The following NTRK2 variants were observed in gnomAD, a reference collection of about 807,000 sequenced individuals.
NTRK2 encodes BDNF/NT-3 growth factors receptor.
NTRK2 carries 13 observed loss-of-function variants against 94.5 expected under a neutral mutation model. That is an observed-to-expected ratio of 0.14 (90% CI 0.09 to 0.22). The LOEUF is 0.22. Among genes scored for constraint, NTRK2 ranks in the 10% least tolerant of loss-of-function variants. The probability of loss-of-function intolerance (pLI) is 1.00; values close to 1 mark genes in which losing one functional copy is unlikely to be tolerated. For synonymous variants in NTRK2, 372 were observed against 407.4 expected (o/e 0.91, Z 1.05); for missense variants, 639 against 1,071.2 (o/e 0.60, Z 5.63).
At position 85,022,886 on chromosome 9, in the gene NTRK2, G is replaced by C. The variant is rs202209007; in HGVS notation, c.*1449G>C. The C allele has an allele frequency of 4.3e-5, 10 of 233,108 alleles. No homozygotes were observed. The highest frequency in any genetic ancestry group is 7.6e-5 in the Non-Finnish European group (9 of 118,070). The allele number at this position is 233,108 out of a possible 1,614,324, so 14.4% of individuals were successfully genotyped here. On this transcript the variant is annotated 3_prime_UTR_variant, in exon 19 of 19. Coordinates refer to ENST00000277120, the MANE Select transcript of NTRK2 (RefSeq NM_006180.6). The stretch of plus-strand genomic sequence containing the variant: ...GGGAAGGGCAGAATCAATCCCTAAG[G>C]GAAAGGAAACCTCACCCTGAGGGCA...
chr9:84,992,359 G>A (rs140608121), intron 17 of NTRK2, among the ~76,000 whole-genome samples: 151 of 151,948 alleles, frequency 9.9e-4, no homozygotes, highest in African/African-American at 3.4e-3. Flanking sequence ...CTCTATCTGA[G>A]CATATTTTCT....
At chr9:84,717,984 A>G (rs2061809032) in intron 6 of NTRK2, among the ~76,000 whole-genome samples, 1 of 151,916 alleles carries the variant, frequency 6.6e-6, no homozygotes. Context: ...AGCTTCTTAC[A>G]GAGCCTCCTT....
intron 6 of NTRK2, among the ~76,000 whole-genome samples, chr9:84,711,200 G>A (rs1166588532): frequency 6.6e-6 from 1 of 152,154 alleles, no homozygotes; most frequent in Non-Finnish European, 1.5e-5. Context: ...AAAGTGTCCT[G>A]GCAGCACAAG....
intron 12 of NTRK2, among the ~76,000 whole-genome samples, chr9:84,835,080 C>T (rs1452016404): frequency 6.6e-6 from 1 of 152,186 alleles, no homozygotes; most frequent in African/African-American, 2.4e-5. Context: ...CTACCCATGC[C>T]TTCTAGCTAT....
chr9:84,864,423 T>G (rs1185321261), intron 13 of NTRK2, among the ~76,000 whole-genome samples: 1 of 152,024 alleles, frequency 6.6e-6, no homozygotes, highest in African/African-American at 2.4e-5. Flanking sequence ...GGGTGATGAA[T>G]GCACCAAAAT....
At chr9:85,006,363 C>T (rs1186087651) in intron 17 of NTRK2, among the ~76,000 whole-genome samples, 1 of 152,112 alleles carries the variant, frequency 6.6e-6, no homozygotes, top group Non-Finnish European at 1.5e-5. Context: ...GAAGTTAGAC[C>T]TCTTTTTATT....
intron 12 of NTRK2, among the ~76,000 whole-genome samples, chr9:84,773,920 G>T (rs535519811): frequency 6.6e-6 from 1 of 151,984 alleles, no homozygotes; most frequent in Non-Finnish European, 1.5e-5. Context: ...CATCATCTTC[G>T]TTTTGTAACT....
chr9:84,825,633 C>G (rs2073138984), intron 12 of NTRK2, among the ~76,000 whole-genome samples: 1 of 152,222 alleles, frequency 6.6e-6, no homozygotes, highest in Non-Finnish European at 1.5e-5. Flanking sequence ...CATGCAGTAA[C>G]AGAAGCAATG....
chr9:84,947,630 G>C (rs981056757), intron 15 of NTRK2, among the ~76,000 whole-genome samples: 2 of 152,212 alleles, frequency 1.3e-5, no homozygotes, highest in Admixed American at 1.3e-4. Flanking sequence ...ATTCATTCAG[G>C]ACAGTGGGTT....
At chr9:84,949,521 G>A (rs2078709209) in intron 16 of NTRK2, among the ~76,000 whole-genome samples, 1 of 152,140 alleles carries the variant, frequency 6.6e-6, no homozygotes. Context: ...AGGCTGGAGT[G>A]CAGTTATGTG....
rs2073252996 is a variant in NTRK2, at chr9:84,827,339, TCTC to T, written c.1397-33698_1397-33696del. 3.9e-5 allele frequency among the ~76,000 whole-genome samples: 6 copies of T among 152,248 alleles called. 1 individual carries two copies. The South Asian group carries it at 1.2e-3, about 32-fold the overall frequency. ...TTCATTCAACCATGCATTTAACCCT[TCTC>T]CTTGCCTTGGACTGTGCCAAGTGCT... On this transcript the variant is annotated intron_variant, in intron 12 of 18. Transcript: ENST00000277120.
At chr9:84,951,012 G>T (rs2078762429) in intron 16 of NTRK2, among the ~76,000 whole-genome samples, 1 of 152,208 alleles carries the variant, frequency 6.6e-6, no homozygotes, top group Admixed American at 6.5e-5. Context: ...GGAAGACTCA[G>T]ACACTGCAGT....
chr9:84,780,890 A>C (rs2067497112), intron 12 of NTRK2, among the ~76,000 whole-genome samples: 2 of 152,142 alleles, frequency 1.3e-5, no homozygotes, highest in African/African-American at 4.8e-5. Context: ...GTCAGTGATA[A>C]TTTCAGGGGT....
At chr9:84,714,141 C>CT (rs1438005921) in intron 6 of NTRK2, among the ~76,000 whole-genome samples, 1 of 152,118 alleles carries the variant, frequency 6.6e-6, no homozygotes. Flanking sequence ...CATTACTTAG[C>CT]TTTTCAGCTG....
chr9:85,006,328 TGG>T (rs1261952299), intron 17 of NTRK2, among the ~76,000 whole-genome samples: 1 of 152,184 alleles, frequency 6.6e-6, no homozygotes, highest in African/African-American at 2.4e-5. Context: ...CAGGAGGCAG[TGG>T]CAATGCTGGG....
Position 84,912,611 on chromosome 9 carries a change from C to CTTTTTT in NTRK2, c.1634-21533_1634-21528dup, listed in dbSNP as rs1212242779. Among the ~76,000 whole-genome samples the CTTTTTT allele has an allele frequency of 4.1e-4, 39 of 95,254 alleles. 1 individual carries two copies. The highest frequency in any genetic ancestry group is 7.0e-4 in the East Asian group (2 of 2,854). 62.5% of individuals were successfully genotyped at this position (95,254 alleles called of 152,430 possible). On this transcript the variant is annotated intron_variant, in intron 14 of 18. Transcript: ENST00000277120. ...TTCCATCTTTCTATTTTTGACTTGCCTTTTTTTTTTTTTTTTTTTTTTTAT... is the reference window on the plus strand; with the variant it reads ...TTCCATCTTTCTATTTTTGACTTGCCTTTTTTTTTTTTTTTTTTTTTTTTTTTTTAT...
chr9:84,879,283 G>C (rs1246613823), intron 14 of NTRK2, among the ~76,000 whole-genome samples: 1 of 151,974 alleles, frequency 6.6e-6, no homozygotes, highest in African/African-American at 2.4e-5. Context: ...TAATCTAGGG[G>C]AAAAATGGAT....
rs1564128887 is a variant in NTRK2, at chr9:84,723,705, A to G, written c.716A>G (p.His239Arg). Reference sequence around the variant, plus strand: ...GATGTTGGTAACCTGGTTTCCAAACATATGGTAAGGCTTGTGTTTGGCTGT... The same window carrying G: ...GATGTTGGTAACCTGGTTTCCAAACGTATGGTAAGGCTTGTGTTTGGCTGT... ...YWDVGNLVSK[H>R]MNETSHTQGS... The change falls in exon 7 of 19, where the codon CAT becomes CGT. Residue 239 changes from histidine (H) to arginine (R), a missense_variant. Coordinates refer to ENST00000277120, the MANE Select transcript of NTRK2 (RefSeq NM_006180.6). 1 of 1,613,994 alleles carries G rather than the reference A, an allele frequency of 6.2e-7. No individual in the cohort carries two copies. Among genetic ancestry groups the G allele is most frequent in the Non-Finnish European group, 8.5e-7 (1 of 1,179,952 alleles).
At chr9:84,689,172 G>T (rs1213546892) in intron 2 of NTRK2, among the ~76,000 whole-genome samples, 1 of 152,244 alleles carries the variant, frequency 6.6e-6, no homozygotes, top group Non-Finnish European at 1.5e-5. Context: ...ACTCTGTGAG[G>T]TTGGGAGGAC....
Sources: allele counts gnomAD v4.1 joint callset (sites outside exome capture counted in the v4.1 genomes callset), GRCh38; gene constraint gnomAD v4.1.1; transcripts MANE v1.5; gene names NCBI Gene and HGNC (gene_info 2026-07-23, HGNC 2026-07-21).